The following SHB variants were observed in gnomAD, a reference collection of about 807,000 sequenced individuals.
SHB encodes the protein SH2 domain-containing adapter protein B.
Under a neutral mutation model 52.3 loss-of-function variants are expected in SHB, and 20 were observed. The observed-to-expected ratio is 0.38, with a 90% CI of 0.27 to 0.56. The LOEUF is 0.56. SHB is among the 20% of genes least tolerant of loss of function. The pLI, the probability that SHB is intolerant of heterozygous loss-of-function variation, is 0.71. For synonymous variants in SHB, 397 were observed against 316.5 expected (o/e 1.25, Z -2.70); for missense variants, 825 against 723.3 (o/e 1.14, Z -1.61).
intron 3 of SHB, among the ~76,000 whole-genome samples, chr9:37,969,072 T>C (rs1820564002): frequency 6.6e-6 from 1 of 152,220 alleles, no homozygotes; most frequent in African/African-American, 2.4e-5. Flanking sequence ...CCCAGTTACA[T>C]ATCCTGGTGT....
chr9:38,033,162 G>A (rs1007776725), intron 1 of SHB, among the ~76,000 whole-genome samples: 6 of 152,146 alleles, frequency 3.9e-5, no homozygotes, highest in Admixed American at 1.3e-4. Context: ...GAGATGAGGC[G>A]GCCCTCAGGG....
chr9:37,982,838 C>T (rs888357476), intron 2 of SHB, among the ~76,000 whole-genome samples: 1 of 152,082 alleles, frequency 6.6e-6, no homozygotes, highest in Non-Finnish European at 1.5e-5. Context: ...TGAAATGATA[C>T]ATAACATGTC....
intron 5 of SHB, among the ~76,000 whole-genome samples, chr9:37,935,709 G>C (rs963205071): frequency 1.3e-5 from 2 of 152,072 alleles, no homozygotes; most frequent in African/African-American, 4.8e-5. Flanking sequence ...CTAGTAAGAC[G>C]CAGAATCGAG....
chr9:37,951,635 A>G (rs1489160841), intron 4 of SHB, among the ~76,000 whole-genome samples: 1 of 152,096 alleles, frequency 6.6e-6, no homozygotes, highest in Non-Finnish European at 1.5e-5. Context: ...CCTGCCATCC[A>G]CCCTCCCTGA....
At chr9:38,043,630 C>T (rs2118147054) in intron 1 of SHB, among the ~76,000 whole-genome samples, 1 of 152,300 alleles carries the variant, frequency 6.6e-6, no homozygotes, top group East Asian at 1.9e-4. Context: ...TGGCTCACAC[C>T]TGTAATCCCA....
chr9:38,047,871 G>A (rs556403381), intron 1 of SHB, among the ~76,000 whole-genome samples: 1 of 152,356 alleles, frequency 6.6e-6, no homozygotes, highest in African/African-American at 2.4e-5. Flanking sequence ...AGCTAACGCT[G>A]TGGCCCCGGA....
intron 3 of SHB, among the ~76,000 whole-genome samples, chr9:37,966,443 GA>G (rs1820526304): frequency 6.6e-6 from 1 of 151,954 alleles, no homozygotes; most frequent in African/African-American, 2.4e-5. Context: ...ACGTCAAATA[GA>G]AAAACCAACT....
chr9:37,960,409 A>G (rs543590912), intron 3 of SHB, among the ~76,000 whole-genome samples: 4 of 152,346 alleles, frequency 2.6e-5, no homozygotes, highest in East Asian at 3.9e-4. Flanking sequence ...AGTCATTAGA[A>G]TGACAGAACC....
intron 1 of SHB, among the ~76,000 whole-genome samples, chr9:38,017,737 G>A (rs1821233208): frequency 6.6e-6 from 1 of 152,224 alleles, no homozygotes; most frequent in South Asian, 2.1e-4. Context: ...ACCCAGTAGG[G>A]GTGGCTTCCA....
In SHB at chr9:37,918,360, C is replaced by CGCGTGT. The variant is rs759144639; in HGVS notation, c.*1455_*1460dup. On this transcript the variant is annotated 3_prime_UTR_variant, in exon 6 of 6. Transcript: ENST00000377707. ...CTGCTATGGCAAGCAAGAGAGAGGT[C>CGCGTGT]GCGTGTGCGTGTGCGTGTGTAGGTG... Among the ~76,000 whole-genome samples, 305 of 147,530 alleles carry CGCGTGT rather than the reference C, an allele frequency of 2.1e-3. 13 individuals carry two copies. The highest frequency in any genetic ancestry group is 7.3e-3 in the African/African-American group (286 of 39,258).
At chr9:38,002,224 A>C (rs1384017148) in intron 2 of SHB, among the ~76,000 whole-genome samples, 2 of 152,238 alleles carry the variant, frequency 1.3e-5, no homozygotes, top group Non-Finnish European at 2.9e-5. Context: ...ATAAATGGTG[A>C]TAGCAATAAC....
At chr9:37,927,716 C>T (rs2118466090) in intron 5 of SHB, among the ~76,000 whole-genome samples, 1 of 152,242 alleles carries the variant, frequency 6.6e-6, no homozygotes, top group East Asian at 1.9e-4. Flanking sequence ...AGTAAGCCTC[C>T]CATTACCAGG....
rs937215303 is a variant in SHB, at chr9:37,917,051, AC to A, written c.*2769del. On this transcript the variant is annotated 3_prime_UTR_variant, in exon 6 of 6. Transcript: ENST00000377707. ...TGGCAGCAGATGAAAAAAAAAAAAA[AC>A]AAACCCAAAACAAAAACCAAACCAA... is the stretch of plus-strand genomic sequence containing the variant. Among the ~76,000 whole-genome samples the A allele has an allele frequency of 5.3e-5, 8 of 151,878 alleles. No homozygotes were observed. The highest frequency in any genetic ancestry group is 1.3e-4 in the Admixed American group (2 of 15,256).
Position 38,068,106 on chromosome 9 carries a change from G to C in SHB, c.540C>G (p.Ser180=). 6.7e-7 allele frequency: 1 copy of C among 1,484,664 alleles called. No homozygotes were observed. The highest frequency in any genetic ancestry group is 8.9e-7 in the Non-Finnish European group (1 of 1,129,256). 92.0% of individuals were successfully genotyped at this position (1,484,664 alleles called of 1,614,324 possible). Residue 180 remains serine, a synonymous_variant, in exon 1 of 6, where the codon TCC becomes TCG. Transcript: ENST00000377707. ...PATPAEVRYI[S]PKHRLIKVES... is the part of the protein sequence containing the mutation. The stretch of plus-strand genomic sequence containing the variant: ...CCACTTTGATGAGGCGGTGCTTGGG[G>C]GAGATGTAGCGCACCTCGGCCGGCG...
chr9:37,986,681 C>T (rs1014738249), intron 2 of SHB, among the ~76,000 whole-genome samples: 99 of 152,220 alleles, frequency 6.5e-4, no homozygotes, highest in Non-Finnish European at 4.1e-4. Context: ...GAACAGCCCC[C>T]AGATGTGGAA....
At chr9:37,954,364 C>A (rs562009650) in intron 4 of SHB, among the ~76,000 whole-genome samples, 1 of 152,296 alleles carries the variant, frequency 6.6e-6, no homozygotes, top group Admixed American at 6.5e-5. Context: ...AAATACAGTA[C>A]GTGACACACA....
At chr9:38,024,507 C>T (rs535713210) in intron 1 of SHB, among the ~76,000 whole-genome samples, 1 of 152,192 alleles carries the variant, frequency 6.6e-6, no homozygotes, top group Non-Finnish European at 1.5e-5. Flanking sequence ...CTGTCAGCTC[C>T]TCTCAAGCCT....
At chr9:38,032,561 C>T (rs544966796) in intron 1 of SHB, among the ~76,000 whole-genome samples, 1 of 152,336 alleles carries the variant, frequency 6.6e-6, no homozygotes, top group East Asian at 1.9e-4. Context: ...GTCTCCCTTC[C>T]CCTTCCTCAG....
At chr9:38,030,088 A>C (rs901857021) in intron 1 of SHB, among the ~76,000 whole-genome samples, 1 of 152,164 alleles carries the variant, frequency 6.6e-6, no homozygotes, top group African/African-American at 2.4e-5. Flanking sequence ...CCTAAACCAC[A>C]AAGTCCAGTG....
Sources: gnomAD v4.1 joint callset for allele counts (sites outside exome capture counted in the v4.1 genomes callset) on GRCh38, gnomAD v4.1.1 for gene constraint, MANE v1.5 for transcripts, NCBI Gene and HGNC (gene_info 2026-07-23, HGNC 2026-07-21) for gene names.